The following MDFIC variants were observed in gnomAD, a reference collection of about 807,000 sequenced individuals.
MDFIC encodes MyoD family inhibitor domain containing.
MDFIC carries 17 observed loss-of-function variants against 23.2 expected under a neutral mutation model. The observed-to-expected ratio is 0.73, with a 90% CI of 0.50 to 1.10. The LOEUF (loss-of-function observed/expected upper bound fraction) is 1.10, where lower values mean the gene tolerates loss of function less well. Among genes scored for constraint, MDFIC ranks in the 50% least tolerant of loss-of-function variants. MDFIC has a pLI of 0.00. For missense variants in MDFIC, 356 were observed against 316.6 expected, an observed-to-expected ratio of 1.12 and a Z score of -0.95; for synonymous variants, 120 against 115.2, an observed-to-expected ratio of 1.04 and a Z score of -0.27.
chr7:115,016,030 A>G lies in MDFIC; in HGVS notation c.*95A>G, dbSNP rs377408387. ...CATTGTAAGATTCTCATGAAACAAC[A>G]TGGAATTTGCACTGTTAACTCATTA... On this transcript the variant is annotated 3_prime_UTR_variant, in exon 5 of 5. Coordinates refer to ENST00000393486, the MANE Select transcript of MDFIC (RefSeq NM_001166345.3). The G allele has an allele frequency of 4.5e-5, 59 of 1,305,060 alleles. 1 individual carries two copies. The highest frequency in any genetic ancestry group is 1.9e-4 in the East Asian group (8 of 43,178). 80.8% of individuals were successfully genotyped at this position (1,305,060 alleles called of 1,614,324 possible).
Position 114,979,534 on chromosome 7 carries a change from G to A in MDFIC, c.246G>A (p.Gln82=), listed in dbSNP as rs759245618. ...AACCTCAGCGCTTGCCTCAGCTTCAGACTTCAGCCCAGGTGCCAAGTGGTG... is the reference window on the plus strand; with the variant it reads ...AACCTCAGCGCTTGCCTCAGCTTCAAACTTCAGCCCAGGTGCCAAGTGGTG... ...RTQPQRLPQL[Q]TSAQVPSGEE... Residue 82 remains glutamine, a synonymous_variant, in exon 4 of 5, where the codon CAG becomes CAA. Transcript: ENST00000393486. 1 of 1,613,380 alleles carries A rather than the reference G, an allele frequency of 6.2e-7. No individual in the cohort carries two copies. The highest frequency in any genetic ancestry group is 2.2e-5 in the East Asian group (1 of 44,828).
chr7:114,992,212 T>G (rs1209104994), intron 4 of MDFIC, among the ~76,000 whole-genome samples: 1 of 152,258 alleles, frequency 6.6e-6, no homozygotes, highest in African/African-American at 2.4e-5. Flanking sequence ...ATCCTGAGAC[T>G]TTGCTGAAGT....
rs1208250942 is a variant in MDFIC at position 114,923,084 on chromosome 7, C to T, written c.51C>T (p.Arg17=). ...ALAPGPVGPQ[R]VAEAGGGQLG... ...CTCCCGGGCCCGTGGGGCCGCAGCG[C>T]GTGGCCGAGGCGGGCGGCGGCCAGC... The change falls in exon 2 of 5, where the codon CGC becomes CGT. Residue 17 remains arginine (R), a synonymous_variant. Coordinates refer to ENST00000393486, the MANE Select transcript of MDFIC (RefSeq NM_001166345.3). The T allele has an allele frequency of 1.4e-6, 2 of 1,438,278 alleles. No homozygotes were observed. The highest frequency in any genetic ancestry group is 1.8e-6 in the Non-Finnish European group (2 of 1,096,828). The allele number at this position is 1,438,278 out of a possible 1,614,324, so 89.1% of individuals were successfully genotyped here. A position where few individuals can be genotyped will look rare whatever the true frequency, so the allele number is the denominator to read the frequency against.
intron 4 of MDFIC, among the ~76,000 whole-genome samples, chr7:115,015,313 A>G (rs1791772659): frequency 6.6e-6 from 1 of 152,216 alleles, no homozygotes; most frequent in Admixed American, 6.5e-5. Flanking sequence ...GGACTTTAAT[A>G]ACTATAATGC....
At chr7:114,961,524 C>T (rs1010622560) in intron 3 of MDFIC, among the ~76,000 whole-genome samples, 1 of 152,070 alleles carries the variant, frequency 6.6e-6, no homozygotes, top group African/African-American at 2.4e-5. Flanking sequence ...TATATGAGTC[C>T]ATTCTTACAC....
intron 2 of MDFIC, among the ~76,000 whole-genome samples, chr7:114,934,836 A>C (rs1443739206): frequency 6.6e-6 from 1 of 152,144 alleles, no homozygotes; most frequent in Non-Finnish European, 1.5e-5. Flanking sequence ...GTATTTTTGG[A>C]CAATGCATTT....
chr7:114,979,955 G>A (rs1196328953), intron 4 of MDFIC, 174 bp downstream of exon 4: 2 of 762,722 alleles, frequency 2.6e-6, no homozygotes, highest in African/African-American at 1.7e-5. Flanking sequence ...AGAAAAGGAA[G>A]CAGTGGCAGC....
At position 114,942,983 on chromosome 7, in the gene MDFIC, C is replaced by T. The variant is rs111522139; in HGVS notation, c.217+586C>T. 1.9e-3 allele frequency among the ~76,000 whole-genome samples: 291 copies of T among 152,266 alleles called. 1 individual carries two copies. The highest frequency in any genetic ancestry group is 6.5e-3 in the African/African-American group (272 of 41,552). Reference sequence around the variant, plus strand: ...TCTGCTCTCGAGCTCCTGGAGTTTACGTTCTGGTCACTAAGTTCCCCTAGG... The same window carrying T: ...TCTGCTCTCGAGCTCCTGGAGTTTATGTTCTGGTCACTAAGTTCCCCTAGG... On this transcript the variant is annotated intron_variant, in intron 3 of 4. Coordinates refer to ENST00000393486, the MANE Select transcript of MDFIC (RefSeq NM_001166345.3).
intron 4 of MDFIC, among the ~76,000 whole-genome samples, chr7:115,006,123 T>G (rs541247117): frequency 6.6e-6 from 1 of 152,286 alleles, no homozygotes; most frequent in East Asian, 1.9e-4. Flanking sequence ...CTGCACCTCC[T>G]GCTAGGGATG....
intron 3 of MDFIC, among the ~76,000 whole-genome samples, chr7:114,949,581 C>G (rs1471389024): frequency 6.6e-6 from 1 of 152,028 alleles, no homozygotes; most frequent in Admixed American, 6.6e-5. Context: ...ATTTTAAAAA[C>G]AAAATTAAAA....
At chr7:115,007,630 G>GTATATATATATATATATA (rs10528546) in intron 4 of MDFIC, among the ~76,000 whole-genome samples, 2 of 132,878 alleles carry the variant, frequency 1.5e-5, no homozygotes, top group African/African-American at 6.2e-5. Context: ...GCGTGTGTGT[G>GTATATATATATATATATA]TATATATATA....
At chr7:114,997,656 G>A (rs1295913638) in intron 4 of MDFIC, among the ~76,000 whole-genome samples, 1 of 151,652 alleles carries the variant, frequency 6.6e-6, no homozygotes, top group African/African-American at 2.4e-5. Flanking sequence ...GCTGAGACAG[G>A]AGCATCACTT....
chr7:115,016,158 T>C lies in MDFIC; in HGVS notation c.*223T>C. The C allele has an allele frequency of 2.1e-6, 1 of 480,060 alleles. No individual in the cohort carries two copies. 29.7% of individuals were successfully genotyped at this position (480,060 alleles called of 1,614,324 possible). A position where few individuals can be genotyped will look rare whatever the true frequency, so the allele number is the denominator to read the frequency against. On this transcript the variant is annotated 3_prime_UTR_variant, in exon 5 of 5. Coordinates refer to ENST00000393486, the MANE Select transcript of MDFIC (RefSeq NM_001166345.3). ...CTAGTTTTATAAATTTCTTAATATGTTACAATAACTTAGGGACATTTTGAC... is the reference window on the plus strand; with the variant it reads ...CTAGTTTTATAAATTTCTTAATATGCTACAATAACTTAGGGACATTTTGAC...
Position 114,922,508 on chromosome 7 carries a change from C to T in MDFIC, c.-236C>T. 8.0e-6 allele frequency: 10 copies of T among 1,255,938 alleles called. No homozygotes were observed. Among genetic ancestry groups the T allele is most frequent in the Non-Finnish European group, 1.0e-5 (10 of 994,092 alleles). The allele number at this position is 1,255,938 out of a possible 1,614,324, so 77.8% of individuals were successfully genotyped here. ...AGGGAGGCGGGAGGACGCGCAGGGG[C>T]GGCCGCCGCCGTCGTCAGGCCACCG... On this transcript the variant is annotated 5_prime_UTR_variant, in exon 1 of 5. Coordinates refer to ENST00000393486, the MANE Select transcript of MDFIC (RefSeq NM_001166345.3).
intron 3 of MDFIC, among the ~76,000 whole-genome samples, chr7:114,950,976 A>C (rs10281007): frequency 0.87 from 132,433 of 152,008 alleles, 58,501 homozygotes; most frequent in East Asian, 1. Context: ...GAGTTTGAGA[A>C]AAGCCAGGGC....
chr7:114,935,568 C>A (rs894296884), intron 2 of MDFIC, among the ~76,000 whole-genome samples: 4 of 150,860 alleles, frequency 2.7e-5, no homozygotes, highest in African/African-American at 9.7e-5. Flanking sequence ...CACACCTCTG[C>A]CTGGTTCAGT....
chr7:114,963,570 C>T (rs972226896), intron 3 of MDFIC, among the ~76,000 whole-genome samples: 3 of 152,108 alleles, frequency 2.0e-5, no homozygotes, highest in Non-Finnish European at 4.4e-5. Context: ...TAAAATTGTG[C>T]ATCTATTATT....
rs533990303 is a variant in MDFIC, at chr7:114,975,706, A to G, written c.218-3800A>G. On this transcript the variant is annotated intron_variant, in intron 3 of 4. Coordinates refer to ENST00000393486, the MANE Select transcript of MDFIC (RefSeq NM_001166345.3). Reference sequence around the variant, plus strand: ...ATGTTTCCTACTTGGTTTTAACTCTAATTTTACCATAAGATTCAAGTCATA... The same window carrying G: ...ATGTTTCCTACTTGGTTTTAACTCTGATTTTACCATAAGATTCAAGTCATA... Among the ~76,000 whole-genome samples, 122 of 152,172 alleles carry G rather than the reference A, an allele frequency of 8.0e-4. 2 individuals carry two copies. Among genetic ancestry groups the G allele is most frequent in the African/African-American group, 2.6e-3 (109 of 41,532 alleles).
At chr7:114,957,321 C>G (rs1792902732) in intron 3 of MDFIC, among the ~76,000 whole-genome samples, 1 of 152,098 alleles carries the variant, frequency 6.6e-6, no homozygotes, top group East Asian at 1.9e-4. Flanking sequence ...CTTTGACACT[C>G]TGTTCCTGAA....
Sources: allele counts gnomAD v4.1 joint callset (sites outside exome capture counted in the v4.1 genomes callset), GRCh38; gene constraint gnomAD v4.1.1; transcripts MANE v1.5; gene names NCBI Gene and HGNC (gene_info 2026-07-23, HGNC 2026-07-21).